The following IKZF1 variants were observed in gnomAD, a reference collection of about 807,000 sequenced individuals.
IKZF1 encodes DNA-binding protein Ikaros.
Under a neutral mutation model 51.7 loss-of-function variants are expected in IKZF1, and 10 were observed. The ratio of observed to expected loss-of-function variants is 0.19; its 90% CI spans 0.12 to 0.33. The LOEUF (loss-of-function observed/expected upper bound fraction) is 0.33. IKZF1 is among the 10% of genes least tolerant of loss of function. The pLI is 1.00. For synonymous variants in IKZF1, 280 were observed against 282.3 expected (o/e 0.99, Z 0.08); for missense variants, 484 against 707.5 (o/e 0.68, Z 3.58).
rs1050903860 is a variant in IKZF1 at position 50,400,215 on chromosome 7, C to T, written c.1148C>T (p.Pro383Leu). Residue 383 changes from proline to leucine, a missense_variant, in exon 8 of 8, where the codon CCC (proline) becomes CTC (leucine). Pro to Leu is a moderately conservative substitution (Grantham distance 98). Coordinates refer to ENST00000331340, the MANE Select transcript of IKZF1 (RefSeq NM_006060.6). This position sits in a 1 kb window ranked among gnomAD's most constrained non-coding sequence, Gnocchi z 5.4. ...CTGCTCTCCAAGGCCAAGTTGGTGC[C>T]CTCGGAGCGCGAGGCGTCCCCGAGC... ...LLLLSKAKLVPSEREASPSNS... is the reference protein window; with the variant it reads ...LLLLSKAKLVLSEREASPSNS... The T allele has an allele frequency of 6.3e-7, 1 of 1,588,384 alleles. No individual in the cohort carries two copies. The highest frequency in any genetic ancestry group is 1.3e-5 in the African/African-American group (1 of 74,394).
intron 1 of IKZF1, among the ~76,000 whole-genome samples, chr7:50,308,170 G>C (rs1035168668): frequency 3.9e-5 from 6 of 152,178 alleles, no homozygotes; most frequent in Non-Finnish European, 7.3e-5. Context: ...TTACAAGTGA[G>C]ATAAAACAGC....
intron 4 of IKZF1, among the ~76,000 whole-genome samples, chr7:50,378,685 G>C (rs575617769): frequency 5.9e-5 from 9 of 152,376 alleles, no homozygotes; most frequent in African/African-American, 2.2e-4. Flanking sequence ...GGCACCTGCT[G>C]TTTGCTGCTC....
intron 2 of IKZF1, among the ~76,000 whole-genome samples, chr7:50,326,553 G>T (rs1584499246): frequency 6.6e-6 from 1 of 152,212 alleles, no homozygotes; most frequent in Non-Finnish European, 1.5e-5. Context: ...ACTAGTTATG[G>T]CTTCCCAAGG....
At chr7:50,394,714 G>A (rs1816201579) in intron 7 of IKZF1, among the ~76,000 whole-genome samples, 1 of 150,578 alleles carries the variant, frequency 6.6e-6, no homozygotes, top group African/African-American at 2.4e-5. Context: ...GGCTATTATA[G>A]TTTTGCTTTA....
At chr7:50,388,768 T>A (rs74832757) in intron 6 of IKZF1, among the ~76,000 whole-genome samples, 64 of 152,332 alleles carry the variant, frequency 4.2e-4, no homozygotes, top group African/African-American at 1.4e-3. Context: ...GATGATTATG[T>A]TCCTTTGAAA....
rs550759976 is a variant in IKZF1, at chr7:50,400,708, A to G, written c.*81A>G. 142 of 1,472,174 alleles carry G rather than the reference A, an allele frequency of 9.6e-5. No individual in the cohort carries two copies. Among genetic ancestry groups the G allele is most frequent in the Admixed American group, 1.2e-4 (6 of 48,194 alleles). The allele number at this position is 1,472,174 out of a possible 1,614,324, so 91.2% of individuals were successfully genotyped here. On this transcript the variant is annotated 3_prime_UTR_variant, in exon 8 of 8. Coordinates refer to ENST00000331340, the MANE Select transcript of IKZF1 (RefSeq NM_006060.6). This position sits in a 1 kb window ranked among gnomAD's most constrained non-coding sequence, Gnocchi z 5.4. ...CTGCCGCCTTCTCGCTCCCGCCAGC[A>G]GCATAGACTGGACTGGACCAGACAA...
In IKZF1 at chr7:50,344,449, G is replaced by A. The variant is rs984992052; in HGVS notation, c.160+16692G>A. On this transcript the variant is annotated intron_variant, in intron 3 of 7. Transcript: ENST00000331340. ...TCTCTTCACACATCCCCAACCCACA[G>A]GGCAAGTCATCCACATTTTGCCTCT... Among the ~76,000 whole-genome samples the A allele has an allele frequency of 4.6e-5, 7 of 152,262 alleles. 1 individual carries two copies. The highest frequency in any genetic ancestry group is 2.4e-5 in the African/African-American group (1 of 41,550).
intron 3 of IKZF1, among the ~76,000 whole-genome samples, chr7:50,336,256 G>A (rs1344616318): frequency 1.3e-5 from 2 of 152,142 alleles, no homozygotes; most frequent in African/African-American, 4.8e-5. Flanking sequence ...GCCCCGGCGG[G>A]GGCAGGGGGA....
intron 3 of IKZF1, among the ~76,000 whole-genome samples, chr7:50,331,926 A>G (rs912213465): frequency 2.0e-5 from 3 of 152,240 alleles, no homozygotes; most frequent in African/African-American, 4.8e-5. Context: ...CCTTTTGGCA[A>G]GGAGAGTTTA....
chr7:50,312,583 C>A (rs958665563), intron 1 of IKZF1, among the ~76,000 whole-genome samples: 1 of 152,248 alleles, frequency 6.6e-6, no homozygotes, highest in Non-Finnish European at 1.5e-5. Flanking sequence ...GGTGGCTCCA[C>A]TGTGGCATTT....
At chr7:50,348,374 C>T (rs1800925720) in intron 3 of IKZF1, among the ~76,000 whole-genome samples, 1 of 152,130 alleles carries the variant, frequency 6.6e-6, no homozygotes, top group Admixed American at 6.5e-5. Context: ...GTAAGATGCC[C>T]CACACGTTGG....
intron 7 of IKZF1, chr7:50,393,991 A>T (rs555477679): frequency 4.3e-6 from 1 of 232,326 alleles, no homozygotes; most frequent in Non-Finnish European, 8.5e-6. Context: ...GGAGAGATTC[A>T]TCTGTGAAAC....
intron 4 of IKZF1, among the ~76,000 whole-genome samples, chr7:50,380,504 G>A (rs1413032786): frequency 6.6e-6 from 1 of 152,212 alleles, no homozygotes; most frequent in African/African-American, 2.4e-5. Flanking sequence ...GCACGGAAGG[G>A]GGTCTTTCCC....
chr7:50,404,101 C>T lies in IKZF1; in HGVS notation c.*3474C>T, dbSNP rs1818591794. 4.6e-6 allele frequency: 1 copy of T among 215,216 alleles called. No individual in the cohort carries two copies. The highest frequency in any genetic ancestry group is 5.8e-5 in the Admixed American group (1 of 17,174). The allele number at this position is 215,216 out of a possible 1,614,324, so 13.3% of individuals were successfully genotyped here. A position where few individuals can be genotyped will look rare whatever the true frequency, so the allele number is the denominator to read the frequency against. On this transcript the variant is annotated 3_prime_UTR_variant, in exon 8 of 8. Transcript: ENST00000331340. ...ACATAATGCTTTTGGTGCGATGGCA[C>T]TCACTGTGAACATGTGTAACCACAT...
chr7:50,392,484 G>A (rs145915304), intron 7 of IKZF1, among the ~76,000 whole-genome samples: 11 of 152,254 alleles, frequency 7.2e-5, no homozygotes, highest in African/African-American at 2.4e-4. Context: ...CCAGCCAGAC[G>A]CTGCAGGGAC....
chr7:50,343,144 T>C (rs1387376251), intron 3 of IKZF1, among the ~76,000 whole-genome samples: 1 of 142,756 alleles, frequency 7.0e-6, no homozygotes, highest in Non-Finnish European at 1.5e-5. Context: ...CTTTCTTCCT[T>C]CCTTTCTTTC....
At position 50,337,123 on chromosome 7, in the gene IKZF1, C is replaced by T. The variant is rs891004174; in HGVS notation, c.160+9366C>T. ...CCAACCATGTGAGAGGGACCGGGAG[C>T]GGCACAGGAGAGGAGGCAGCAGCTG... is the stretch of plus-strand genomic sequence containing the variant. On this transcript the variant is annotated intron_variant, in intron 3 of 7. Coordinates refer to ENST00000331340, the MANE Select transcript of IKZF1 (RefSeq NM_006060.6). Among the ~76,000 whole-genome samples, 20 of 151,832 alleles carry T rather than the reference C, an allele frequency of 1.3e-4. No homozygotes were observed. The East Asian group carries it at 2.9e-3, about 22-fold the overall frequency.
chr7:50,307,528 C>G (rs1369824916), intron 1 of IKZF1, among the ~76,000 whole-genome samples: 1 of 152,190 alleles, frequency 6.6e-6, no homozygotes, highest in Non-Finnish European at 1.5e-5. Flanking sequence ...GAACATTGTT[C>G]TCTCTCTGGT....
At chr7:50,339,669 G>A (rs1270456144) in intron 3 of IKZF1, among the ~76,000 whole-genome samples, 1 of 151,788 alleles carries the variant, frequency 6.6e-6, no homozygotes, top group African/African-American at 2.4e-5. Context: ...CAGAAGAATC[G>A]CTTGAATTCG....
Sources: allele counts gnomAD v4.1 joint callset (sites outside exome capture counted in the v4.1 genomes callset), GRCh38; gene constraint gnomAD v4.1.1; non-coding constraint Gnocchi (gnomAD v3.1); transcripts MANE v1.5; gene names NCBI Gene and HGNC (gene_info 2026-07-23, HGNC 2026-07-21).